Variants in MAGI1 observed in about 807,000 individuals in gnomAD.
MAGI1 encodes the protein membrane associated guanylate kinase, WW and PDZ domain containing 1.
A neutral mutation model predicts 139.9 loss-of-function variants in MAGI1; 58 were observed. That is an observed-to-expected ratio of 0.41 (90% CI 0.34 to 0.52). The LOEUF (loss-of-function observed/expected upper bound fraction) is 0.52, where lower values mean the gene tolerates loss of function less well. MAGI1 is among the 20% of genes least tolerant of loss of function. The pLI, the probability that MAGI1 is intolerant of heterozygous loss-of-function variation, is 0.12. For missense variants in MAGI1, 1,874 were observed against 1,901.6 expected (o/e 0.99, Z 0.27); for synonymous variants, 812 against 737.9 (o/e 1.10, Z -1.63).
At chr3:65,701,438 A>G (rs1260091609) in intron 1 of MAGI1, among the ~76,000 whole-genome samples, 1 of 152,196 alleles carries the variant, frequency 6.6e-6, no homozygotes, top group East Asian at 1.9e-4. Flanking sequence ...TTTTTAGTAG[A>G]GACGGGGTTT....
intron 2 of MAGI1, among the ~76,000 whole-genome samples, chr3:65,565,586 G>A (rs1243880752): frequency 6.6e-6 from 1 of 152,128 alleles, no homozygotes; most frequent in Non-Finnish European, 1.5e-5. Flanking sequence ...GTCGGGCACG[G>A]TGACTCATGA....
At chr3:65,492,785 A>G (rs1952135454) in intron 3 of MAGI1, among the ~76,000 whole-genome samples, 1 of 152,192 alleles carries the variant, frequency 6.6e-6, no homozygotes. Flanking sequence ...TATGAAGATT[A>G]CTTAGCTAAA....
intron 1 of MAGI1, among the ~76,000 whole-genome samples, chr3:65,898,909 A>G (rs2061097935): frequency 6.6e-6 from 1 of 152,190 alleles, no homozygotes; most frequent in Non-Finnish European, 1.5e-5. Context: ...TTTTTAAATA[A>G]TTAAAGAAAA....
intron 1 of MAGI1, among the ~76,000 whole-genome samples, chr3:65,777,079 T>G (rs920124713): frequency 1.3e-5 from 2 of 152,160 alleles, no homozygotes; most frequent in Admixed American, 1.3e-4. Flanking sequence ...GTAGGGTAAG[T>G]GAGCATGTGC....
chr3:65,973,470 G>C (rs575893048), intron 1 of MAGI1, among the ~76,000 whole-genome samples: 1 of 152,264 alleles, frequency 6.6e-6, no homozygotes, highest in East Asian at 1.9e-4. Flanking sequence ...GCCAAACCAC[G>C]CTTTAAGGGC....
chr3:65,681,210 T>C (rs2087568813), intron 1 of MAGI1, among the ~76,000 whole-genome samples: 1 of 152,250 alleles, frequency 6.6e-6, no homozygotes, highest in Admixed American at 6.5e-5. Context: ...TCATTATTTA[T>C]AACACCAAGA....
chr3:65,462,862 T>C (rs528898437), intron 5 of MAGI1, among the ~76,000 whole-genome samples: 2 of 152,304 alleles, frequency 1.3e-5, no homozygotes, highest in African/African-American at 4.8e-5. Flanking sequence ...TCCTGGGTAT[T>C]TTATTCTCTT....
intron 6 of MAGI1, chr3:65,448,327 T>C (rs1948800726): frequency 1.8e-6 from 1 of 560,850 alleles, no homozygotes; most frequent in East Asian, 3.0e-5. Context: ...TTGTAAAAGA[T>C]GACAAATACC....
intron 2 of MAGI1, among the ~76,000 whole-genome samples, chr3:65,571,163 G>A (rs9852292): frequency 0.094 from 14,323 of 152,120 alleles, 874 homozygotes; most frequent in African/African-American, 0.16. Flanking sequence ...GCACCTGCCT[G>A]CATTAGGGAT....
intron 1 of MAGI1, among the ~76,000 whole-genome samples, chr3:65,991,810 T>C (rs146817751): frequency 1.6e-3 from 237 of 150,710 alleles, no homozygotes; most frequent in African/African-American, 5.3e-3. Context: ...AGGTCAGGAG[T>C]TTGAGACCAG....
intron 1 of MAGI1, among the ~76,000 whole-genome samples, chr3:65,655,990 G>A (rs2085853467): frequency 6.6e-6 from 1 of 152,110 alleles, no homozygotes; most frequent in Non-Finnish European, 1.5e-5. Flanking sequence ...TGAATTCACT[G>A]ATAACCCAGA....
At chr3:65,804,033 C>A (rs976439077) in intron 1 of MAGI1, among the ~76,000 whole-genome samples, 1 of 152,148 alleles carries the variant, frequency 6.6e-6, no homozygotes, top group Non-Finnish European at 1.5e-5. Flanking sequence ...ACTGAGGCAT[C>A]CCTAAATTCC....
intron 1 of MAGI1, among the ~76,000 whole-genome samples, chr3:65,849,183 C>G (rs1559940466): frequency 1.3e-5 from 2 of 151,428 alleles, no homozygotes; most frequent in Admixed American, 1.3e-4. Context: ...GCCACCACGC[C>G]TGACTAAGTT....
At chr3:65,745,788 G>A (rs2035656397) in intron 1 of MAGI1, among the ~76,000 whole-genome samples, 1 of 152,142 alleles carries the variant, frequency 6.6e-6, no homozygotes, top group Admixed American at 6.5e-5. Flanking sequence ...GGAGTACAAT[G>A]GCACAATCTT....
At chr3:65,811,872 T>C (rs2041254971) in intron 1 of MAGI1, among the ~76,000 whole-genome samples, 1 of 152,112 alleles carries the variant, frequency 6.6e-6, no homozygotes, top group African/African-American at 2.4e-5. Context: ...TAGTTGATTA[T>C]AAATAACATG....
chr3:65,711,365 T>C (rs772368134), intron 1 of MAGI1, among the ~76,000 whole-genome samples: 13 of 152,160 alleles, frequency 8.5e-5, no homozygotes, highest in Admixed American at 1.3e-4. Context: ...TGGAACCACA[T>C]AAACGTTTTA....
At chr3:65,975,451 T>A (rs2065220668) in intron 1 of MAGI1, among the ~76,000 whole-genome samples, 1 of 151,976 alleles carries the variant, frequency 6.6e-6, no homozygotes, top group Non-Finnish European at 1.5e-5. Context: ...ATTACCCAAG[T>A]CTGAATTGAA....
chr3:65,401,611 G>A (rs1347344173), intron 12 of MAGI1, 141 bp from the exon 13 acceptor site: 32 of 1,550,484 alleles, frequency 2.1e-5, no homozygotes, highest in African/African-American at 2.7e-5. Context: ...CCCCAGCATC[G>A]GAGTTACCAG....
intron 1 of MAGI1, among the ~76,000 whole-genome samples, chr3:66,018,127 G>T (rs2107537720): frequency 7.0e-6 from 1 of 143,462 alleles, no homozygotes; most frequent in Non-Finnish European, 1.5e-5. Context: ...GGGGGGGGGT[G>T]TCTGCACATG....
Sources: gnomAD v4.1 joint callset for allele counts (sites outside exome capture counted in the v4.1 genomes callset) on GRCh38, gnomAD v4.1.1 for gene constraint, MANE v1.5 for transcripts, NCBI Gene and HGNC (gene_info 2026-07-23, HGNC 2026-07-21) for gene names.